Variants in LSAMP observed in about 807,000 individuals in gnomAD.
The protein encoded by LSAMP is limbic system-associated membrane protein.
A neutral mutation model predicts 38.6 loss-of-function variants in LSAMP; 7 were observed. The ratio of observed to expected loss-of-function variants is 0.18; its 90% confidence interval spans 0.10 to 0.34. The LOEUF (loss-of-function observed/expected upper bound fraction) is 0.34. Ranked by LOEUF, LSAMP falls within the 10% of genes least tolerant of loss-of-function variation. The pLI, the probability that LSAMP is intolerant of heterozygous loss-of-function variation, is 1.00. For missense variants in LSAMP, 313 were observed against 420.0 expected, an observed-to-expected ratio of 0.75 and a Z score of 2.23; for synonymous variants, 154 against 166.8, an observed-to-expected ratio of 0.92 and a Z score of 0.59.
intron 1 of LSAMP, among the ~76,000 whole-genome samples, chr3:116,112,685 G>A (rs1027601052): frequency 4.6e-5 from 7 of 152,016 alleles, no homozygotes; most frequent in African/African-American, 1.7e-4. Context: ...GGCAGGTTTA[G>A]GATCTCCTGA....
chr3:115,851,569 G>A (rs147726307), intron 4 of LSAMP, among the ~76,000 whole-genome samples: 7 of 152,274 alleles, frequency 4.6e-5, no homozygotes, highest in East Asian at 3.9e-4. Flanking sequence ...GAAAGTACTC[G>A]TCATAGCCTA....
chr3:116,163,677 G>C (rs1177683622), intron 1 of LSAMP, among the ~76,000 whole-genome samples: 2 of 151,910 alleles, frequency 1.3e-5, no homozygotes, highest in Non-Finnish European at 2.9e-5. Flanking sequence ...GGTTGAACTA[G>C]TTTATAGTCC....
At chr3:116,078,855 C>T (rs1707809359) in intron 2 of LSAMP, among the ~76,000 whole-genome samples, 1 of 152,058 alleles carries the variant, frequency 6.6e-6, no homozygotes, top group African/African-American at 2.4e-5. Flanking sequence ...GTCCTGGTAC[C>T]AGCTGTTTCT....
intron 2 of LSAMP, among the ~76,000 whole-genome samples, chr3:116,043,969 AAAG>A (rs1941236515): frequency 6.6e-6 from 1 of 152,166 alleles, no homozygotes; most frequent in African/African-American, 2.4e-5. Context: ...AATAAAAATT[AAAG>A]AAAAATTCTT....
intron 2 of LSAMP, among the ~76,000 whole-genome samples, chr3:116,038,959 T>C (rs543479477): frequency 2.6e-5 from 4 of 152,324 alleles, no homozygotes; most frequent in African/African-American, 9.6e-5. Flanking sequence ...CTTCAGGTTT[T>C]CATGAGAGAG....
In LSAMP at chr3:116,145,331, GAA is replaced by G. The variant is rs1214192920; in HGVS notation, c.156-58777_156-58776del. The stretch of plus-strand genomic sequence containing the variant: ...CTAATAGCTTATATATTTATATATG[GAA>G]AGAGAGAGAGAGAGAGATTGATTTT... On this transcript the variant is annotated intron_variant, in intron 1 of 6. Coordinates refer to ENST00000490035, the MANE Select transcript of LSAMP (RefSeq NM_002338.5). 2.6e-5 allele frequency among the ~76,000 whole-genome samples: 4 copies of G among 151,872 alleles called. No individual in the cohort carries two copies. In the East Asian group the frequency reaches 5.8e-4, roughly 22 times the overall value.
Position 116,163,666 on chromosome 3 carries a change from T to C in LSAMP, c.156-77110A>G, listed in dbSNP as rs184798946. Among the ~76,000 whole-genome samples, 329 of 152,278 alleles carry C rather than the reference T, an allele frequency of 2.2e-3. 2 individuals carry two copies. Among genetic ancestry groups the C allele is most frequent in the African/African-American group, 7.6e-3 (314 of 41,560 alleles). On this transcript the variant is annotated intron_variant, in intron 1 of 6. Coordinates refer to ENST00000490035, the MANE Select transcript of LSAMP (RefSeq NM_002338.5). ...GGAATCGCCACACTGAATTCCACGA[T>C]GGTTGAACTAGTTTATAGTCCCACC...
At chr3:116,378,601 T>C (rs961462708) in intron 1 of LSAMP, among the ~76,000 whole-genome samples, 1 of 152,082 alleles carries the variant, frequency 6.6e-6, no homozygotes, top group African/African-American at 2.4e-5. Flanking sequence ...GATGGTCTTC[T>C]ATGTCTTGGC....
intron 1 of LSAMP, among the ~76,000 whole-genome samples, chr3:116,381,150 T>C (rs1388556335): frequency 6.6e-6 from 1 of 152,094 alleles, no homozygotes; most frequent in Admixed American, 6.5e-5. Flanking sequence ...AAAAATTTAA[T>C]CTAGATCTAA....
intron 1 of LSAMP, among the ~76,000 whole-genome samples, chr3:116,244,732 C>T (rs531822295): frequency 6.6e-6 from 1 of 152,302 alleles, no homozygotes; most frequent in South Asian, 2.1e-4. Context: ...ACATCAGGGA[C>T]TCACATTTAT....
chr3:115,922,364 A>G (rs746646582), intron 3 of LSAMP, among the ~76,000 whole-genome samples: 6 of 152,106 alleles, frequency 3.9e-5, no homozygotes, highest in Admixed American at 1.3e-4. Flanking sequence ...ACTATTGACT[A>G]TCTCTAATGA....
intron 2 of LSAMP, among the ~76,000 whole-genome samples, chr3:116,062,342 C>G (rs529492261): frequency 4.9e-4 from 75 of 152,254 alleles, no homozygotes; most frequent in African/African-American, 1.5e-3. Flanking sequence ...AACCCTGTCT[C>G]TACTGAAGAT....
intron 1 of LSAMP, among the ~76,000 whole-genome samples, chr3:116,306,471 C>A (rs1043360644): frequency 3.9e-5 from 6 of 151,966 alleles, no homozygotes; most frequent in Non-Finnish European, 8.8e-5. Flanking sequence ...ATATAGATGG[C>A]TTGTAATGGG....
chr3:116,277,403 C>T (rs973063783), intron 1 of LSAMP, among the ~76,000 whole-genome samples: 2 of 151,254 alleles, frequency 1.3e-5, no homozygotes, highest in Non-Finnish European at 2.9e-5. Context: ...GAGTCTCGCT[C>T]TGTCGCCCAG....
intron 1 of LSAMP, among the ~76,000 whole-genome samples, chr3:116,089,459 G>A (rs542909588): frequency 8.2e-4 from 125 of 152,250 alleles, no homozygotes; most frequent in Non-Finnish European, 1.3e-3. Flanking sequence ...CCAGGTTCAC[G>A]CCATTCTCCT....
intron 1 of LSAMP, among the ~76,000 whole-genome samples, chr3:116,211,200 A>G (rs1216333529): frequency 2.0e-5 from 3 of 152,212 alleles, no homozygotes; most frequent in Non-Finnish European, 4.4e-5. Context: ...AGGGGGAAGG[A>G]TTGGCAAGAT....
chr3:115,979,921 T>C (rs887616481), intron 3 of LSAMP, among the ~76,000 whole-genome samples: 4 of 152,154 alleles, frequency 2.6e-5, no homozygotes, highest in Admixed American at 2.0e-4. Context: ...GGCTTATAAT[T>C]TTTCTGCTTA....
At chr3:116,371,995 A>G (rs2048436260) in intron 1 of LSAMP, among the ~76,000 whole-genome samples, 2 of 152,100 alleles carry the variant, frequency 1.3e-5, no homozygotes. Context: ...GTACAATAAA[A>G]ACTATAAAAC....
chr3:115,920,261 C>G (rs1025775253), intron 3 of LSAMP, among the ~76,000 whole-genome samples: 4 of 152,172 alleles, frequency 2.6e-5, no homozygotes, highest in Non-Finnish European at 5.9e-5. Context: ...TGAGGAACCT[C>G]TTTACTGGTT....
Sources: gnomAD v4.1 joint callset for allele counts (sites outside exome capture counted in the v4.1 genomes callset) on GRCh38, gnomAD v4.1.1 for gene constraint, MANE v1.5 for transcripts, NCBI Gene and HGNC (gene_info 2026-07-23, HGNC 2026-07-21) for gene names.